The following FNIP1 variants were observed in gnomAD, a reference collection of about 807,000 sequenced individuals.
The protein encoded by FNIP1 is folliculin interacting protein 1.
Under a neutral mutation model 124.5 loss-of-function variants are expected in FNIP1, and 40 were observed. That is an observed-to-expected ratio of 0.32 (90% CI 0.25 to 0.42). FNIP1 has a LOEUF of 0.42. Among genes scored for constraint, FNIP1 ranks in the 10% least tolerant of loss-of-function variants. The pLI, the probability that FNIP1 is intolerant of heterozygous loss-of-function variation, is 1.00. For synonymous variants in FNIP1, 472 were observed against 470.6 expected, an observed-to-expected ratio of 1.00 and a Z score of -0.04; for missense variants, 1,176 against 1,403.7, an observed-to-expected ratio of 0.84 and a Z score of 2.59.
At chr5:131,732,575 G>C (rs576451825) in intron 2 of FNIP1, among the ~76,000 whole-genome samples, 1 of 152,234 alleles carries the variant, frequency 6.6e-6, no homozygotes, top group African/African-American at 2.4e-5. Context: ...AGCACCATTT[G>C]TTAAACAGGG....
chr5:131,789,821 T>C (rs1447417398), intron 1 of FNIP1, among the ~76,000 whole-genome samples: 1 of 152,254 alleles, frequency 6.6e-6, no homozygotes, highest in Non-Finnish European at 1.5e-5. Flanking sequence ...TCTGTGTATT[T>C]TAACACATCC....
At chr5:131,702,602 C>T (rs1267374495) in intron 10 of FNIP1, among the ~76,000 whole-genome samples, 1 of 152,162 alleles carries the variant, frequency 6.6e-6, no homozygotes, top group Non-Finnish European at 1.5e-5. Flanking sequence ...TCCCATACAT[C>T]CTTCAAAATG....
chr5:131,673,786 A>G (rs938636016), intron 13 of FNIP1, among the ~76,000 whole-genome samples: 5 of 152,186 alleles, frequency 3.3e-5, no homozygotes, highest in African/African-American at 1.2e-4. Context: ...TTGTAATTCC[A>G]GCACTCTGAG....
chr5:131,747,678 T>C (rs959862324), intron 1 of FNIP1, among the ~76,000 whole-genome samples: 1 of 152,018 alleles, frequency 6.6e-6, no homozygotes, highest in African/African-American at 2.4e-5. Flanking sequence ...AGGACAGTTC[T>C]AAGGAATAAA....
intron 3 of FNIP1, among the ~76,000 whole-genome samples, chr5:131,728,006 C>T (rs1322339777): frequency 1.3e-5 from 2 of 152,168 alleles, no homozygotes; most frequent in Non-Finnish European, 2.9e-5. Flanking sequence ...ATATTGGTCC[C>T]CCACTCTCTT....
chr5:131,674,066 GAAAT>G (rs1767843504), intron 13 of FNIP1, among the ~76,000 whole-genome samples: 1 of 151,794 alleles, frequency 6.6e-6, no homozygotes, highest in Non-Finnish European at 1.5e-5. Flanking sequence ...AAAATAAAAA[GAAAT>G]AAAATAAAAA....
intron 1 of FNIP1, among the ~76,000 whole-genome samples, chr5:131,773,916 C>A (rs1440555217): frequency 6.6e-6 from 1 of 152,162 alleles, no homozygotes; most frequent in Non-Finnish European, 1.5e-5. Flanking sequence ...GGATCTCATT[C>A]TTCTATGAAG....
chr5:131,693,333 C>CGT (rs1768563364), intron 11 of FNIP1, among the ~76,000 whole-genome samples: 1 of 50,124 alleles, frequency 2.0e-5, no homozygotes, highest in African/African-American at 6.8e-5. Context: ...TATATATATA[C>CGT]ATATATATAT....
At chr5:131,706,641 C>A in intron 8 of FNIP1, 95 bp from the exon 9 acceptor site, 1 of 1,261,496 alleles carries the variant, frequency 7.9e-7, no homozygotes. Flanking sequence ...TTAAGTTAAA[C>A]TTTATTTTGC....
intron 15 of FNIP1, among the ~76,000 whole-genome samples, chr5:131,665,925 G>A (rs1767590681): frequency 1.5e-5 from 2 of 131,550 alleles, no homozygotes; most frequent in East Asian, 2.4e-4. Flanking sequence ...TTTTTGAGAC[G>A]GAGTCTCGCT....
Position 131,704,064 on chromosome 5 carries a change from C to T in FNIP1, c.1116+1G>A. ...ATACATAAATAAATAACTATGCTTACCTGTTCTATTGCACTCTTTAATTTG... is the reference window on the plus strand; with the variant it reads ...ATACATAAATAAATAACTATGCTTATCTGTTCTATTGCACTCTTTAATTTG... On this transcript the variant is annotated splice_donor_variant, in intron 10 of 17. Transcript: ENST00000510461. LOFTEE classifies it high-confidence loss of function. The T allele has an allele frequency of 6.3e-7, 1 of 1,595,080 alleles. No individual in the cohort carries two copies. Among genetic ancestry groups the T allele is most frequent in the Non-Finnish European group, 8.6e-7 (1 of 1,165,528 alleles).
At chr5:131,757,735 G>A (rs575826177) in intron 1 of FNIP1, among the ~76,000 whole-genome samples, 11 of 152,192 alleles carry the variant, frequency 7.2e-5, no homozygotes, top group Admixed American at 2.6e-4. Context: ...ATTATTAGAC[G>A]GGGGAGGGAA....
chr5:131,745,144 G>A (rs1030115484), intron 1 of FNIP1, among the ~76,000 whole-genome samples: 9 of 148,832 alleles, frequency 6.0e-5, no homozygotes, highest in Non-Finnish European at 1.2e-4. Flanking sequence ...GGACTTACAA[G>A]ACAAAAAACA....
intron 15 of FNIP1, among the ~76,000 whole-genome samples, chr5:131,655,018 T>A (rs1461093978): frequency 6.6e-6 from 1 of 152,226 alleles, no homozygotes; most frequent in Admixed American, 6.5e-5. Flanking sequence ...TATATACATC[T>A]GTGATATTGT....
At chr5:131,761,623 A>G (rs1386195552) in intron 1 of FNIP1, among the ~76,000 whole-genome samples, 1 of 152,238 alleles carries the variant, frequency 6.6e-6, no homozygotes, top group Non-Finnish European at 1.5e-5. Context: ...ACATTAAAAA[A>G]TGGAAACATA....
intron 15 of FNIP1, among the ~76,000 whole-genome samples, chr5:131,661,222 G>GTGTGGT (rs1767427241): frequency 6.7e-6 from 1 of 149,102 alleles, no homozygotes; most frequent in African/African-American, 2.5e-5. Flanking sequence ...TCTTTGTTTT[G>GTGTGGT]TGTGTGTGTG....
chr5:131,709,627 A>G (rs1429297237), intron 7 of FNIP1, among the ~76,000 whole-genome samples: 1 of 152,220 alleles, frequency 6.6e-6, no homozygotes, highest in African/African-American at 2.4e-5. Context: ...AGTGGTGGGT[A>G]TATCATAGTT....
chr5:131,753,111 G>A (rs990669678), intron 1 of FNIP1, among the ~76,000 whole-genome samples: 1 of 151,872 alleles, frequency 6.6e-6, no homozygotes, highest in Non-Finnish European at 1.5e-5. Flanking sequence ...AAAAAAAATG[G>A]CCACAAGCAT....
At chr5:131,766,817 C>T (rs1580821967) in intron 1 of FNIP1, among the ~76,000 whole-genome samples, 1 of 152,134 alleles carries the variant, frequency 6.6e-6, no homozygotes, top group South Asian at 2.1e-4. Context: ...GTTCTAATGT[C>T]CAAAGGCAGG....
Sources: gnomAD v4.1 joint callset for allele counts (sites outside exome capture counted in the v4.1 genomes callset) on GRCh38, gnomAD v4.1.1 for gene constraint, MANE v1.5 for transcripts, NCBI Gene and HGNC (gene_info 2026-07-23, HGNC 2026-07-21) for gene names.